The following GALNT7 variants were observed in gnomAD, a reference collection of about 807,000 sequenced individuals.
GALNT7 encodes polypeptide N-acetylgalactosaminyltransferase 7.
GALNT7 carries 60 observed loss-of-function variants against 82.1 expected under a neutral mutation model. The ratio of observed to expected loss-of-function variants is 0.73; its 90% CI spans 0.59 to 0.91. The LOEUF is 0.91. GALNT7 is among the 40% of genes least tolerant of loss of function. The pLI is 0.00. For synonymous variants in GALNT7, 243 were observed against 275.1 expected (o/e 0.88, Z 1.15); for missense variants, 660 against 804.2 (o/e 0.82, Z 2.17).
At chr4:173,229,549 G>T (rs960888700) in intron 1 of GALNT7, among the ~76,000 whole-genome samples, 3 of 152,154 alleles carry the variant, frequency 2.0e-5, no homozygotes, top group South Asian at 4.1e-4. Flanking sequence ...GGAATCTGTA[G>T]CCAGAGACCT....
chr4:173,252,182 A>G (rs1012435024), intron 2 of GALNT7, among the ~76,000 whole-genome samples: 10 of 152,206 alleles, frequency 6.6e-5, no homozygotes, highest in African/African-American at 2.4e-4. Context: ...CTAGCAACAT[A>G]TTGAAAACAT....
chr4:173,233,971 A>G (rs941923718), intron 1 of GALNT7, among the ~76,000 whole-genome samples: 2 of 151,738 alleles, frequency 1.3e-5, no homozygotes. Flanking sequence ...ACATCTCCCA[A>G]CTCCACACTT....
rs200428984 is a variant in GALNT7 at position 173,232,271 on chromosome 4, T to TAA, written c.127-15698_127-15697dup. Among the ~76,000 whole-genome samples the TAA allele has an allele frequency of 4.8e-5, 7 of 146,510 alleles. No individual in the cohort carries two copies. The South Asian group carries it at 1.1e-3, about 23-fold the overall frequency. On this transcript the variant is annotated intron_variant, in intron 1 of 11. Coordinates refer to ENST00000265000, the MANE Select transcript of GALNT7 (RefSeq NM_017423.3). ...CTGGTTAGGGAGACTTTCAGTCTCT[T>TAA]AAAAAAAAAAAATCCCTGACATATA...
chr4:173,170,962 TTTTG>T (rs1247963658), intron 1 of GALNT7, among the ~76,000 whole-genome samples: 5 of 152,238 alleles, frequency 3.3e-5, no homozygotes, highest in Non-Finnish European at 2.9e-5. Context: ...TATCTTGATT[TTTTG>T]TTTGTTTCAG....
At chr4:173,291,610 T>G (rs980294328) in intron 2 of GALNT7, among the ~76,000 whole-genome samples, 2 of 152,228 alleles carry the variant, frequency 1.3e-5, no homozygotes, top group Non-Finnish European at 2.9e-5. Context: ...AGTAAATTTC[T>G]GAATGCTTGC....
intron 1 of GALNT7, among the ~76,000 whole-genome samples, chr4:173,204,681 T>C (rs1332299070): frequency 6.6e-6 from 1 of 152,230 alleles, no homozygotes; most frequent in Non-Finnish European, 1.5e-5. Context: ...CTTTCATTTT[T>C]TCTGTTGTTT....
intron 2 of GALNT7, among the ~76,000 whole-genome samples, chr4:173,289,706 G>A (rs962551927): frequency 6.6e-6 from 1 of 152,166 alleles, no homozygotes; most frequent in Non-Finnish European, 1.5e-5. Flanking sequence ...TGCCTGAAAA[G>A]GGGAGGAAAC....
intron 2 of GALNT7, among the ~76,000 whole-genome samples, chr4:173,275,897 T>C (rs1332205980): frequency 2.0e-5 from 3 of 152,188 alleles, no homozygotes; most frequent in Non-Finnish European, 4.4e-5. Context: ...GATATGGGCA[T>C]GATGAGCTAA....
At chr4:173,315,297 A>C (rs1373053551) in intron 9 of GALNT7, among the ~76,000 whole-genome samples, 1 of 152,106 alleles carries the variant, frequency 6.6e-6, no homozygotes, top group African/African-American at 2.4e-5. Flanking sequence ...GGCTGCTGAG[A>C]TTGGGAAGAT....
chr4:173,314,451 TC>T (rs1737517249), intron 9 of GALNT7, among the ~76,000 whole-genome samples: 1 of 152,122 alleles, frequency 6.6e-6, no homozygotes, highest in African/African-American at 2.4e-5. Flanking sequence ...TTACTCCAAC[TC>T]CCTTCCTTAA....
intron 1 of GALNT7, among the ~76,000 whole-genome samples, chr4:173,178,044 T>TGCGCGC (rs778689846): frequency 5.5e-5 from 6 of 109,036 alleles, no homozygotes; most frequent in African/African-American, 2.5e-4. Context: ...TGTGTGTGTG[T>TGCGCGC]GTGTGTGTGC....
chr4:173,216,519 C>CAGG (rs979037780), intron 1 of GALNT7, among the ~76,000 whole-genome samples: 2 of 151,360 alleles, frequency 1.3e-5, no homozygotes, highest in African/African-American at 4.9e-5. Context: ...CTATGGTTGT[C>CAGG]AGGAGGATTT....
chr4:173,222,703 A>G (rs1398540005), intron 1 of GALNT7, among the ~76,000 whole-genome samples: 1 of 152,064 alleles, frequency 6.6e-6, no homozygotes, highest in Admixed American at 6.6e-5. Flanking sequence ...TATTATCCCC[A>G]TTTTATCAAT....
intron 2 of GALNT7, among the ~76,000 whole-genome samples, chr4:173,260,114 G>A (rs934050432): frequency 5.3e-5 from 8 of 152,038 alleles, no homozygotes; most frequent in East Asian, 1.9e-4. Context: ...ACATACCATC[G>A]AATGCCAGAA....
intron 1 of GALNT7, among the ~76,000 whole-genome samples, chr4:173,174,859 C>T (rs2126618090): frequency 6.6e-6 from 1 of 152,308 alleles, no homozygotes; most frequent in East Asian, 1.9e-4. Context: ...AGAATGAAAA[C>T]TTTTGAACAG....
At chr4:173,232,710 AC>A (rs962754603) in intron 1 of GALNT7, among the ~76,000 whole-genome samples, 9 of 152,170 alleles carry the variant, frequency 5.9e-5, no homozygotes, top group African/African-American at 1.7e-4. Flanking sequence ...TGCTGGGATT[AC>A]AGGTGTGAGC....
intron 2 of GALNT7, among the ~76,000 whole-genome samples, chr4:173,283,554 C>G (rs1736196506): frequency 6.6e-6 from 1 of 151,778 alleles, no homozygotes; most frequent in Admixed American, 6.6e-5. Flanking sequence ...GCAGGAGAAT[C>G]CCTTGAGCCT....
At chr4:173,230,035 T>A (rs1231309791) in intron 1 of GALNT7, among the ~76,000 whole-genome samples, 2 of 152,086 alleles carry the variant, frequency 1.3e-5, no homozygotes, top group Non-Finnish European at 2.9e-5. Flanking sequence ...TTATACCAGG[T>A]AAAAGAAGGG....
rs573592932 is a variant in GALNT7 at position 173,169,021 on chromosome 4, G to A, written c.126+60G>A. 6 of 1,570,766 alleles carry A rather than the reference G, an allele frequency of 3.8e-6. No individual in the cohort carries two copies. The African/African-American group carries it at 6.7e-5, about 18-fold the overall frequency. On this transcript the variant is annotated intron_variant, in intron 1 of 11. Transcript: ENST00000265000. ...GACCGGCAACTTGTTTTGTTTGCCCGCGTGTGGAGGGAGCAGGGGCGGCGG... is the reference window on the plus strand; with the variant it reads ...GACCGGCAACTTGTTTTGTTTGCCCACGTGTGGAGGGAGCAGGGGCGGCGG...
Sources: gnomAD v4.1 joint callset for allele counts (sites outside exome capture counted in the v4.1 genomes callset) on GRCh38, gnomAD v4.1.1 for gene constraint, MANE v1.5 for transcripts, NCBI Gene and HGNC (gene_info 2026-07-23, HGNC 2026-07-21) for gene names.